The following NEK10 variants were observed in gnomAD, a reference collection of about 807,000 sequenced individuals.
NEK10 encodes the protein NIMA related kinase 10.
Under a neutral mutation model 159.8 loss-of-function variants are expected in NEK10, and 122 were observed. That is an observed-to-expected ratio of 0.76 (90% CI 0.66 to 0.89). NEK10 has a LOEUF of 0.89. Among genes scored for constraint, NEK10 ranks in the 40% least tolerant of loss-of-function variants. NEK10 has a pLI of 0.00. For missense variants in NEK10, 1,342 were observed against 1,323.1 expected, an observed-to-expected ratio of 1.01 and a Z score of -0.22; for synonymous variants, 466 against 457.1, an observed-to-expected ratio of 1.02 and a Z score of -0.25.
At chr3:27,208,656 G>T (rs1295815041) in intron 23 of NEK10, among the ~76,000 whole-genome samples, 1 of 152,140 alleles carries the variant, frequency 6.6e-6, no homozygotes, top group Non-Finnish European at 1.5e-5. Context: ...TTTGGTTCTG[G>T]TGACTAAATG....
At chr3:27,178,414 A>G (rs973873378) in intron 26 of NEK10, among the ~76,000 whole-genome samples, 4 of 152,226 alleles carry the variant, frequency 2.6e-5, no homozygotes, top group African/African-American at 9.6e-5. Context: ...GCTTTACTTT[A>G]GAACTCTAAA....
chr3:27,169,908 G>T (rs1946801414), intron 29 of NEK10, among the ~76,000 whole-genome samples: 1 of 152,142 alleles, frequency 6.6e-6, no homozygotes, highest in African/African-American at 2.4e-5. Flanking sequence ...TCAGGATTTT[G>T]AATCCTAAGA....
intron 5 of NEK10, among the ~76,000 whole-genome samples, chr3:27,340,437 A>C (rs1313697653): frequency 6.6e-6 from 1 of 152,262 alleles, no homozygotes; most frequent in Admixed American, 6.5e-5. Context: ...CAACGGGTGG[A>C]TAGGTGCAGC....
chr3:27,120,329 T>A (rs2125444965), intron 32 of NEK10, among the ~76,000 whole-genome samples: 1 of 149,350 alleles, frequency 6.7e-6, no homozygotes, highest in South Asian at 2.1e-4. Flanking sequence ...TCTTTTTTCT[T>A]TTTTTTTTTT....
chr3:27,258,317 C>A (rs1383142373), intron 22 of NEK10, among the ~76,000 whole-genome samples: 1 of 151,158 alleles, frequency 6.6e-6, no homozygotes, highest in Non-Finnish European at 1.5e-5. Flanking sequence ...TGTGCTGCAC[C>A]CAGTAACTCG....
chr3:27,112,503 A>G (rs979119864), intron 35 of NEK10, among the ~76,000 whole-genome samples: 1 of 152,210 alleles, frequency 6.6e-6, no homozygotes, highest in African/African-American at 2.4e-5. Context: ...TGACCATGTC[A>G]ATGAGAACAA....
At chr3:27,145,200 T>C (rs915675603) in intron 30 of NEK10, among the ~76,000 whole-genome samples, 10 of 151,982 alleles carry the variant, frequency 6.6e-5, no homozygotes, top group Non-Finnish European at 1.0e-4. Context: ...ATTAAAACAA[T>C]TTTTTATTAA....
chr3:27,192,064 C>G lies in NEK10; in HGVS notation c.2470G>C (p.Val824Leu). The G allele has an allele frequency of 6.2e-7, 1 of 1,614,148 alleles. No individual in the cohort carries two copies. The highest frequency in any genetic ancestry group is 8.5e-7 in the Non-Finnish European group (1 of 1,180,020). The stretch of plus-strand genomic sequence containing the variant: ...ACAGCCAGCTCATGGTGACATGTGA[C>G]GGTGTTCCGGTTGGCTTCCATAAAA... ...RYFMEANRNT[V>L]TCHHELAVLS... The change falls in exon 26 of 36, where the codon GTC becomes CTC. Residue 824 changes from valine (V) to leucine (L), a missense_variant. Transcript: ENST00000691995.
Position 27,325,206 on chromosome 3 carries a change from C to T in NEK10, c.363-2945G>A, listed in dbSNP as rs118051310. 2.1e-3 allele frequency among the ~76,000 whole-genome samples: 324 copies of T among 152,302 alleles called. 2 individuals carry two copies. The East Asian group carries it at 0.041, about 19-fold the overall frequency. ...GCTCACACTGCCCTTCAAGCTAGTT[C>T]CATAGTGGTGCTTGGTGCACACGTT... On this transcript the variant is annotated intron_variant, in intron 5 of 35. Coordinates refer to ENST00000691995, the MANE Select transcript of NEK10 (RefSeq NM_001394966.1).
chr3:27,274,284 A>G (rs1312164195), intron 22 of NEK10, among the ~76,000 whole-genome samples: 1 of 152,216 alleles, frequency 6.6e-6, no homozygotes, highest in East Asian at 1.9e-4. Flanking sequence ...ACAGAGCTTC[A>G]TGATGAAAAA....
intron 6 of NEK10, among the ~76,000 whole-genome samples, chr3:27,320,964 G>C (rs1255187882): frequency 1.3e-5 from 2 of 152,082 alleles, no homozygotes; most frequent in Non-Finnish European, 2.9e-5. Flanking sequence ...AAACAACAAA[G>C]AAAAAATAAG....
At chr3:27,164,540 A>C (rs1288187449) in intron 29 of NEK10, among the ~76,000 whole-genome samples, 3 of 152,244 alleles carry the variant, frequency 2.0e-5, no homozygotes, top group African/African-American at 7.2e-5. Context: ...TACAAATTGA[A>C]ATCTTATTAT....
At chr3:27,131,246 G>A (rs1363531611) in intron 32 of NEK10, among the ~76,000 whole-genome samples, 2 of 152,142 alleles carry the variant, frequency 1.3e-5, no homozygotes, top group Non-Finnish European at 2.9e-5. Context: ...CCTTTCAGGG[G>A]AGCTTATGGC....
intron 1 of NEK10, chr3:27,363,670 T>G (rs1236909659): frequency 6.6e-6 from 1 of 152,196 alleles, no homozygotes; most frequent in Non-Finnish European, 1.5e-5. Context: ...ATTACATTGA[T>G]GTTAAAGATG....
In NEK10 at chr3:27,162,696, G is replaced by A. The variant is rs373197985; in HGVS notation, c.2869+5C>T. ...TTGATTTTATTGCTACCAACACTAA[G>A]TTACCTGGTCTTGGTCTTGATCCTG... On this transcript the variant is annotated splice_donor_5th_base_variant and intron_variant, in intron 30 of 35. Coordinates refer to ENST00000691995, the MANE Select transcript of NEK10 (RefSeq NM_001394966.1). 2.0e-5 allele frequency: 33 copies of A among 1,613,940 alleles called. No homozygotes were observed. The highest frequency in any genetic ancestry group is 2.7e-5 in the Non-Finnish European group (32 of 1,179,974).
intron 5 of NEK10, among the ~76,000 whole-genome samples, chr3:27,331,042 C>A (rs1464870946): frequency 6.6e-6 from 1 of 151,914 alleles, no homozygotes; most frequent in Non-Finnish European, 1.5e-5. Context: ...TCAAGACCAG[C>A]CTGGCCAACA....
chr3:27,279,429 T>G (rs999716286), intron 22 of NEK10, among the ~76,000 whole-genome samples: 5 of 152,190 alleles, frequency 3.3e-5, no homozygotes, highest in African/African-American at 9.7e-5. Flanking sequence ...CTCTACTAAT[T>G]GCAGCTGCAT....
intron 33 of NEK10, among the ~76,000 whole-genome samples, chr3:27,118,365 C>T (rs1306475963): frequency 2.0e-5 from 3 of 152,348 alleles, no homozygotes; most frequent in Non-Finnish European, 1.5e-5. Context: ...CACCCAAAGC[C>T]GTGTTGACCA....
chr3:27,223,955 C>T (rs1952377711), intron 23 of NEK10, among the ~76,000 whole-genome samples: 1 of 152,130 alleles, frequency 6.6e-6, no homozygotes, highest in African/African-American at 2.4e-5. Context: ...GATTGTGTCC[C>T]CTGAAAAGAT....
Sources: allele counts gnomAD v4.1 joint callset (sites outside exome capture counted in the v4.1 genomes callset), GRCh38; gene constraint gnomAD v4.1.1; transcripts MANE v1.5; gene names NCBI Gene and HGNC (gene_info 2026-07-23, HGNC 2026-07-21).